Variants in CNTN4 observed in about 807,000 individuals in gnomAD.
The protein encoded by CNTN4 is contactin-4.
A neutral mutation model predicts 122.5 loss-of-function variants in CNTN4; 77 were observed. That is an observed-to-expected ratio of 0.63 (90% CI 0.52 to 0.76). The LOEUF (loss-of-function observed/expected upper bound fraction) is 0.76. CNTN4 is among the 30% of genes least tolerant of loss of function. The pLI is 0.00. For synonymous variants in CNTN4, 512 were observed against 447.0 expected, an observed-to-expected ratio of 1.15 and a Z score of -1.83; for missense variants, 1,256 against 1,259.1, an observed-to-expected ratio of 1.00 and a Z score of 0.04.
At chr3:2,742,219 A>G (rs1311340151) in intron 5 of CNTN4, among the ~76,000 whole-genome samples, 1 of 151,602 alleles carries the variant, frequency 6.6e-6, no homozygotes, top group East Asian at 1.9e-4. Flanking sequence ...ACCGCAACTG[A>G]CCTCTCTTCT....
chr3:2,728,741 C>T (rs1226612345), intron 4 of CNTN4, among the ~76,000 whole-genome samples: 2 of 152,212 alleles, frequency 1.3e-5, no homozygotes, highest in African/African-American at 4.8e-5. Context: ...TATCTAAACC[C>T]ATGCAGTCTT....
At chr3:2,844,919 G>A (rs539895084) in intron 7 of CNTN4, among the ~76,000 whole-genome samples, 1 of 152,190 alleles carries the variant, frequency 6.6e-6, no homozygotes, top group Non-Finnish European at 1.5e-5. Context: ...TGGCTGGTAG[G>A]CTACGCTCAG....
chr3:3,038,941 G>T lies in CNTN4; in HGVS notation c.2101G>T (p.Val701Phe), dbSNP rs137958685. 94 of 1,613,988 alleles carry T rather than the reference G, an allele frequency of 5.8e-5. No individual in the cohort carries two copies. Among genetic ancestry groups the T allele is most frequent in the Middle Eastern group, 1.6e-4 (1 of 6,084 alleles). ...TTTGTCTCCTTGTGCAGTCCCCGAA[G>T]TCACACCAGCGAATGTCAGTGGTGG... ...KRRTEEALPE[V>F]TPANVSGGGG... The change falls in exon 19 of 25, where the codon GTC (valine) becomes TTC (phenylalanine). Residue 701 changes from valine to phenylalanine, a missense_variant. Transcript: ENST00000418658.
At chr3:2,440,650 T>G (rs2048400287) in intron 3 of CNTN4, among the ~76,000 whole-genome samples, 1 of 151,874 alleles carries the variant, frequency 6.6e-6, no homozygotes, top group South Asian at 2.1e-4. Flanking sequence ...TTTTTTAATT[T>G]ACTCATCCAT....
At chr3:2,425,484 T>G (rs1469879187) in intron 3 of CNTN4, among the ~76,000 whole-genome samples, 2 of 152,216 alleles carry the variant, frequency 1.3e-5, no homozygotes, top group African/African-American at 4.8e-5. Context: ...CCTTGTAGTA[T>G]AGTTTGAAGT....
intron 2 of CNTN4, among the ~76,000 whole-genome samples, chr3:2,125,330 C>CTCTG (rs138301374): frequency 5.4e-4 from 78 of 143,474 alleles, no homozygotes; most frequent in Admixed American, 2.0e-3. Flanking sequence ...ATTCTATTCT[C>CTCTG]TGTGTGTGTG....
At chr3:2,878,464 A>G (rs2093870364) in intron 8 of CNTN4, among the ~76,000 whole-genome samples, 1 of 151,848 alleles carries the variant, frequency 6.6e-6, no homozygotes, top group East Asian at 1.9e-4. Context: ...TATTACTGGT[A>G]TTGGGCTAAG....
intron 4 of CNTN4, among the ~76,000 whole-genome samples, chr3:2,723,051 A>AAT (rs2087962392): frequency 6.6e-6 from 1 of 152,154 alleles, no homozygotes; most frequent in Non-Finnish European, 1.5e-5. Context: ...ATATTGACAA[A>AAT]ATAGATTATC....
At chr3:2,510,208 T>A (rs923496127) in intron 3 of CNTN4, among the ~76,000 whole-genome samples, 1 of 152,178 alleles carries the variant, frequency 6.6e-6, no homozygotes, top group Non-Finnish European at 1.5e-5. Flanking sequence ...CCCAGTGCTA[T>A]TACGAGGTGT....
chr3:2,311,063 C>G (rs760850358), intron 2 of CNTN4, among the ~76,000 whole-genome samples: 1 of 151,908 alleles, frequency 6.6e-6, no homozygotes, highest in Admixed American at 6.6e-5. Context: ...TGAAAATATC[C>G]GAATCAGAAG....
chr3:2,155,269 C>T (rs1274377154), intron 2 of CNTN4, among the ~76,000 whole-genome samples: 1 of 152,166 alleles, frequency 6.6e-6, no homozygotes, highest in Non-Finnish European at 1.5e-5. Context: ...GAAAATTTGA[C>T]TCAGTTACCT....
chr3:2,252,984 T>C (rs2040434437), intron 2 of CNTN4, among the ~76,000 whole-genome samples: 1 of 152,086 alleles, frequency 6.6e-6, no homozygotes, highest in East Asian at 1.9e-4. Flanking sequence ...AGAATACCAG[T>C]AATACATGCA....
At chr3:2,700,054 T>G (rs994806712) in intron 4 of CNTN4, among the ~76,000 whole-genome samples, 1 of 152,030 alleles carries the variant, frequency 6.6e-6, no homozygotes, top group Non-Finnish European at 1.5e-5. Flanking sequence ...CCCTAATCAT[T>G]CCACTTTCAC....
At chr3:2,298,969 T>G (rs2042407869) in intron 2 of CNTN4, among the ~76,000 whole-genome samples, 1 of 151,888 alleles carries the variant, frequency 6.6e-6, no homozygotes, top group Admixed American at 6.6e-5. Flanking sequence ...ATAATCTTCT[T>G]TTAGCCATTT....
intron 7 of CNTN4, among the ~76,000 whole-genome samples, chr3:2,840,182 A>G (rs949883829): frequency 3.9e-5 from 6 of 152,116 alleles, no homozygotes; most frequent in Non-Finnish European, 5.9e-5. Flanking sequence ...GGTCATTCTT[A>G]TAACAACATA....
chr3:2,470,252 A>G (rs2075638684), intron 3 of CNTN4, among the ~76,000 whole-genome samples: 1 of 151,806 alleles, frequency 6.6e-6, no homozygotes, highest in African/African-American at 2.4e-5. Flanking sequence ...AATTTTTTGT[A>G]TTTTTAGTAG....
At chr3:2,416,956 G>T (rs2047440226) in intron 3 of CNTN4, among the ~76,000 whole-genome samples, 1 of 152,154 alleles carries the variant, frequency 6.6e-6, no homozygotes, top group African/African-American at 2.4e-5. Context: ...GCCCGGCCCA[G>T]TGTCGCAACT....
intron 2 of CNTN4, among the ~76,000 whole-genome samples, chr3:2,240,876 T>C (rs2039907826): frequency 2.0e-5 from 3 of 152,170 alleles, no homozygotes; most frequent in Admixed American, 1.3e-4. Context: ...ATGAGAAAAA[T>C]CACAGGCATT....
chr3:2,699,698 G>A (rs1225525952), intron 4 of CNTN4, among the ~76,000 whole-genome samples: 3 of 152,158 alleles, frequency 2.0e-5, no homozygotes, highest in South Asian at 2.1e-4. Flanking sequence ...GTTTGGAATG[G>A]AAATTAACAA....
Sources: gnomAD v4.1 joint callset for allele counts (sites outside exome capture counted in the v4.1 genomes callset) on GRCh38, gnomAD v4.1.1 for gene constraint, MANE v1.5 for transcripts, NCBI Gene and HGNC (gene_info 2026-07-23, HGNC 2026-07-21) for gene names.